The following SLC24A2 variants were observed in gnomAD, a reference collection of about 807,000 sequenced individuals.
The protein encoded by SLC24A2 is sodium/potassium/calcium exchanger 2.
In SLC24A2, 36 loss-of-function variants were observed where a neutral mutation model predicts 62.0. That is an observed-to-expected ratio of 0.58 (90% CI 0.44 to 0.77). SLC24A2 has a LOEUF of 0.77. SLC24A2 is among the 30% of genes least tolerant of loss of function. The pLI, the probability that SLC24A2 is intolerant of heterozygous loss-of-function variation, is 0.00. For missense variants in SLC24A2, 846 were observed against 817.9 expected (o/e 1.03, Z -0.42); for synonymous variants, 358 against 294.0 (o/e 1.22, Z -2.23).
chr9:19,583,021 T>A (rs1320577212), intron 5 of SLC24A2, among the ~76,000 whole-genome samples: 1 of 152,028 alleles, frequency 6.6e-6, no homozygotes, highest in Non-Finnish European at 1.5e-5. Context: ...CATCCCAGCA[T>A]CTTTAGTGAT....
At chr9:19,795,513 C>A in the SLC24A2 span, among the ~76,000 whole-genome samples, 1 of 152,196 alleles carries the variant, frequency 6.6e-6, no homozygotes, top group African/African-American at 2.4e-5. Flanking sequence ...CCTGAAACTT[C>A]TGCTTTCTGG....
chr9:19,929,218 G>C, the SLC24A2 span: 3 of 152,182 alleles, frequency 2.0e-5, no homozygotes, highest in African/African-American at 7.2e-5. Context: ...GCCCAAGACT[G>C]AAGGGAACTC....
chr9:19,564,392 G>C (rs1369855890), intron 7 of SLC24A2, among the ~76,000 whole-genome samples: 1 of 152,126 alleles, frequency 6.6e-6, no homozygotes, highest in Non-Finnish European at 1.5e-5. Flanking sequence ...TAACAGTATG[G>C]AGAAATAAGT....
chr9:19,775,123 C>T (rs796763019), intron 2 of SLC24A2, among the ~76,000 whole-genome samples: 1 of 152,190 alleles, frequency 6.6e-6, no homozygotes. Flanking sequence ...AAACTGTGAA[C>T]ACTACATTAA....
chr9:19,649,001 C>A (rs1352859970), intron 2 of SLC24A2, among the ~76,000 whole-genome samples: 3,455 of 107,836 alleles, frequency 0.032, no homozygotes, highest in Non-Finnish European at 0.034. Flanking sequence ...GATTAAAAAC[C>A]AAAAAAAAAA....
At chr9:19,883,441 A>G in the SLC24A2 span, among the ~76,000 whole-genome samples, 5 of 152,342 alleles carry the variant, frequency 3.3e-5, no homozygotes, top group African/African-American at 1.2e-4. Flanking sequence ...AGCATTTTGT[A>G]GGGCAAATAA....
intron 9 of SLC24A2, among the ~76,000 whole-genome samples, chr9:19,524,596 CAGAATT>C (rs1277905436): frequency 6.6e-6 from 1 of 152,102 alleles, no homozygotes; most frequent in African/African-American, 2.4e-5. Flanking sequence ...GTACAAACAA[CAGAATT>C]AGAGCTAGAC....
At chr9:20,233,867 G>T in the SLC24A2 span, among the ~76,000 whole-genome samples, 2 of 152,192 alleles carry the variant, frequency 1.3e-5, no homozygotes, top group Admixed American at 6.5e-5. Context: ...GCTGGTACTG[G>T]TTGTCCCTTT....
the SLC24A2 span, among the ~76,000 whole-genome samples, chr9:20,014,159 G>C: frequency 6.6e-6 from 1 of 152,160 alleles, no homozygotes; most frequent in African/African-American, 2.4e-5. Context: ...AGTGAGCTAT[G>C]ATCATGCCAC....
the SLC24A2 span, among the ~76,000 whole-genome samples, chr9:20,074,589 GGAAGGAAGGAAGGAAA>G: frequency 3.8e-3 from 352 of 92,078 alleles, 6 homozygotes; most frequent in South Asian, 5.4e-3. Flanking sequence ...AAGGAAGGAA[GGAAGGAAGGAAGGAAA>G]GAAGGGAGTG....
chr9:20,123,723 G>A, the SLC24A2 span, among the ~76,000 whole-genome samples: 8 of 152,054 alleles, frequency 5.3e-5, no homozygotes, highest in South Asian at 4.1e-4. Flanking sequence ...TATCATTAAC[G>A]TCACACATCT....
At chr9:20,054,917 A>G in the SLC24A2 span, among the ~76,000 whole-genome samples, 17 of 152,350 alleles carry the variant, frequency 1.1e-4, no homozygotes, top group Admixed American at 2.6e-4. Flanking sequence ...GCTCTCAATC[A>G]TAAAAAACAA....
At chr9:19,564,693 A>C (rs1004536383) in intron 7 of SLC24A2, among the ~76,000 whole-genome samples, 1 of 152,188 alleles carries the variant, frequency 6.6e-6, no homozygotes, top group Non-Finnish European at 1.5e-5. Flanking sequence ...AGTGAAATGA[A>C]ATAAAAACTG....
chr9:19,956,475 C>T, the SLC24A2 span, among the ~76,000 whole-genome samples: 5 of 152,114 alleles, frequency 3.3e-5, no homozygotes, highest in East Asian at 1.9e-4. Context: ...TCTGTTTTCA[C>T]GCTGATAAAG....
the SLC24A2 span, among the ~76,000 whole-genome samples, chr9:19,911,645 G>A: frequency 0.01 from 1,594 of 152,242 alleles, 20 homozygotes; most frequent in African/African-American, 0.037. Flanking sequence ...ATGGCGTCCA[G>A]TCTCAACTGT....
chr9:19,923,962 C>T, the SLC24A2 span, among the ~76,000 whole-genome samples: 1 of 152,154 alleles, frequency 6.6e-6, no homozygotes, highest in Non-Finnish European at 1.5e-5. Context: ...TGGTCTCGAA[C>T]TCCTTACTTC....
At chr9:20,276,923 C>A in the SLC24A2 span, among the ~76,000 whole-genome samples, 2 of 152,198 alleles carry the variant, frequency 1.3e-5, no homozygotes, top group African/African-American at 4.8e-5. Context: ...CTGCACAAAG[C>A]AGCAAGGCCT....
chr9:19,788,698 G>A, intron 1 of SLC24A2, 187 bp downstream of exon 1: 1 of 985,206 alleles, frequency 1.0e-6, no homozygotes, highest in Non-Finnish European at 1.2e-6. Flanking sequence ...AGGAGAGGCG[G>A]GGGCTCCAAA....
chr9:20,015,104 T>C, the SLC24A2 span, among the ~76,000 whole-genome samples: 1 of 152,318 alleles, frequency 6.6e-6, no homozygotes. Flanking sequence ...GAGATTCTTG[T>C]CTCCCGCCTT....
Sources: allele counts gnomAD v4.1 joint callset (sites outside exome capture counted in the v4.1 genomes callset), GRCh38; gene constraint gnomAD v4.1.1; transcripts MANE v1.5; gene names NCBI Gene and HGNC (gene_info 2026-07-23, HGNC 2026-07-21).